MAST2: variants seen among roughly 807,000 people sequenced by gnomAD.
MAST2 encodes microtubule associated serine/threonine kinase 2.
A neutral mutation model predicts 147.4 loss-of-function variants in MAST2; 70 were observed. The observed-to-expected ratio is 0.47, with a 90% CI of 0.39 to 0.58. The LOEUF (loss-of-function observed/expected upper bound fraction) is 0.58. MAST2 is among the 20% of genes least tolerant of loss of function. The pLI is 0.00. For missense variants in MAST2, 2,080 were observed against 2,302.3 expected, an observed-to-expected ratio of 0.90 and a Z score of 1.98; for synonymous variants, 869 against 896.8, an observed-to-expected ratio of 0.97 and a Z score of 0.55.
intron 2 of MAST2, among the ~76,000 whole-genome samples, chr1:45,827,496 T>G (rs1315051675): frequency 6.6e-6 from 1 of 152,164 alleles, no homozygotes; most frequent in Non-Finnish European, 1.5e-5. Context: ...GTAATCTTTG[T>G]GTAAATAGGA....
chr1:45,877,845 A>T (rs1646671101), intron 3 of MAST2, among the ~76,000 whole-genome samples: 1 of 152,194 alleles, frequency 6.6e-6, no homozygotes, highest in South Asian at 2.1e-4. Context: ...ATTATCCCTT[A>T]TGAAAATAGG....
At chr1:45,939,789 C>T (rs1656900117) in intron 4 of MAST2, among the ~76,000 whole-genome samples, 1 of 151,878 alleles carries the variant, frequency 6.6e-6, no homozygotes, top group Admixed American at 6.6e-5. Context: ...ATCTGCCCAC[C>T]TTGGCCTCCC....
chr1:45,860,252 C>T (rs1363296523), intron 3 of MAST2, among the ~76,000 whole-genome samples: 8 of 150,982 alleles, frequency 5.3e-5, no homozygotes, highest in Admixed American at 2.6e-4. Context: ...GGAGTGGTGG[C>T]GGGCACCTGT....
At chr1:45,855,776 T>C (rs578050382) in intron 3 of MAST2, among the ~76,000 whole-genome samples, 2 of 152,346 alleles carry the variant, frequency 1.3e-5, no homozygotes, top group East Asian at 3.9e-4. Flanking sequence ...TAGGCAATCA[T>C]GTCATTTTCA....
intron 4 of MAST2, among the ~76,000 whole-genome samples, chr1:45,953,449 T>C (rs1041387297): frequency 2.0e-5 from 3 of 152,214 alleles, no homozygotes; most frequent in African/African-American, 7.2e-5. Flanking sequence ...GGATACCTCT[T>C]AGAGCTCACT....
chr1:45,986,716 C>CAA (rs201589013), intron 5 of MAST2, among the ~76,000 whole-genome samples: 9,132 of 119,304 alleles, frequency 0.077, 617 homozygotes, highest in Non-Finnish European at 0.12. Flanking sequence ...GACTCCGTCT[C>CAA]AAAAAAAAAA....
At chr1:46,015,502 A>G (rs1398828547) in intron 10 of MAST2, among the ~76,000 whole-genome samples, 3 of 152,206 alleles carry the variant, frequency 2.0e-5, no homozygotes, top group Non-Finnish European at 4.4e-5. Context: ...TATCACCACC[A>G]ATCCCACAGA....
chr1:46,018,713 C>T (rs1646059941), intron 10 of MAST2, among the ~76,000 whole-genome samples: 1 of 152,136 alleles, frequency 6.6e-6, no homozygotes, highest in African/African-American at 2.4e-5. Flanking sequence ...AAGTGATCCT[C>T]TCTGGTCAGC....
At position 46,035,903 on chromosome 1, in the gene MAST2, A is replaced by G. The variant is rs780413433; in HGVS notation, c.5234A>G (p.Gln1745Arg). The G allele has an allele frequency of 6.2e-7, 1 of 1,614,006 alleles. No individual in the cohort carries two copies. The highest frequency in any genetic ancestry group is 1.1e-5 in the South Asian group (1 of 91,078). Residue 1745 changes from glutamine to arginine, a missense_variant, in exon 29 of 29, where the codon CAA becomes CGA. Around this residue, in one of 4 missense-constraint regions of MAST2, gnomAD observed 1,278 missense variants for 1,304.2 expected, o/e 0.98. Coordinates refer to ENST00000361297, the MANE Select transcript of MAST2 (RefSeq NM_015112.3). The surrounding 1 kb of genome is among the most constrained non-coding windows in gnomAD (Gnocchi z 5.5). ...GAGGATCCAGCCCTGAGCATCACCC[A>G]AGTGCCTGATGCCTCAGGTGACAGA... Reference protein sequence around the residue: ...VKEDPALSITQVPDASGDRRQ... With the variant: ...VKEDPALSITRVPDASGDRRQ...
chr1:45,982,201 AT>A (rs1305847945), intron 5 of MAST2, among the ~76,000 whole-genome samples: 1 of 152,182 alleles, frequency 6.6e-6, no homozygotes, highest in African/African-American at 2.4e-5. Context: ...AGAAAACCCA[AT>A]AAAAGTAGCA....
chr1:45,854,756 A>G (rs1041363433), intron 3 of MAST2, among the ~76,000 whole-genome samples: 4 of 152,158 alleles, frequency 2.6e-5, no homozygotes, highest in African/African-American at 9.7e-5. Context: ...TGGGTGCCTT[A>G]TAATTTAACT....
intron 6 of MAST2, among the ~76,000 whole-genome samples, chr1:46,002,213 A>G (rs1645301486): frequency 1.3e-5 from 2 of 152,138 alleles, no homozygotes. Context: ...AGCTAAGGGT[A>G]TGTCACCTCC....
chr1:45,855,599 C>CTT (rs1002818058), intron 3 of MAST2, among the ~76,000 whole-genome samples: 1 of 147,438 alleles, frequency 6.8e-6, no homozygotes. Flanking sequence ...TGAGATGAAA[C>CTT]TTTTTTTTTT....
chr1:45,888,965 T>C (rs1311860967), intron 4 of MAST2, among the ~76,000 whole-genome samples: 2 of 151,966 alleles, frequency 1.3e-5, no homozygotes, highest in African/African-American at 4.8e-5. Flanking sequence ...CCTGAGCCAC[T>C]GTGCCCGGCT....
intron 1 of MAST2, among the ~76,000 whole-genome samples, chr1:45,820,192 T>C (rs559038166): frequency 1.3e-5 from 2 of 152,298 alleles, no homozygotes; most frequent in Non-Finnish European, 2.9e-5. Context: ...TCTTCCCATA[T>C]ACAAAAATCA....
intron 3 of MAST2, among the ~76,000 whole-genome samples, chr1:45,849,404 T>A (rs776369854): frequency 6.6e-6 from 1 of 152,270 alleles, no homozygotes; most frequent in East Asian, 1.9e-4. Context: ...GGAACTTTAT[T>A]TCCGGCAGAA....
chr1:45,895,867 A>G (rs760675217), intron 4 of MAST2, among the ~76,000 whole-genome samples: 7 of 152,232 alleles, frequency 4.6e-5, no homozygotes, highest in Non-Finnish European at 7.3e-5. Flanking sequence ...GTGTTCATCT[A>G]TTTAAATGAG....
chr1:45,882,222 A>T, intron 3 of MAST2, 142 bp from the exon 4 acceptor site: 3 of 544,388 alleles, frequency 5.5e-6, no homozygotes, highest in Non-Finnish European at 9.8e-6. Flanking sequence ...AAAATTTAAG[A>T]GGCAAAGAAA....
chr1:45,890,078 C>T (rs1369774543), intron 4 of MAST2, among the ~76,000 whole-genome samples: 4 of 152,106 alleles, frequency 2.6e-5, no homozygotes, highest in African/African-American at 9.7e-5. Context: ...CAATCTAGTT[C>T]CTACACACCT....
Sources: allele counts gnomAD v4.1 joint callset (sites outside exome capture counted in the v4.1 genomes callset), GRCh38; gene constraint gnomAD v4.1.1; regional missense constraint gnomAD v4.1.1; non-coding constraint Gnocchi (gnomAD v3.1); transcripts MANE v1.5; gene names NCBI Gene and HGNC (gene_info 2026-07-23, HGNC 2026-07-21).